MACROD2: variants seen among roughly 807,000 people sequenced by gnomAD.
MACROD2 encodes ADP-ribose glycohydrolase MACROD2.
A neutral mutation model predicts 70.4 loss-of-function variants in MACROD2; 36 were observed. That is an observed-to-expected ratio of 0.51 (90% CI 0.39 to 0.68). The LOEUF is 0.68. Among genes scored for constraint, MACROD2 ranks in the 30% least tolerant of loss-of-function variants. The pLI, the probability that MACROD2 is intolerant of heterozygous loss-of-function variation, is 0.00. For missense variants in MACROD2, 496 were observed against 538.4 expected, an observed-to-expected ratio of 0.92 and a Z score of 0.78; for synonymous variants, 172 against 178.8, an observed-to-expected ratio of 0.96 and a Z score of 0.30.
chr20:15,543,316 G>T (rs758268091), intron 8 of MACROD2, among the ~76,000 whole-genome samples: 3 of 152,204 alleles, frequency 2.0e-5, no homozygotes, highest in African/African-American at 7.2e-5. Context: ...GGCCCTACTC[G>T]TAAGATTATA....
chr20:14,461,994 T>C (rs2123019238), intron 3 of MACROD2, among the ~76,000 whole-genome samples: 1 of 152,116 alleles, frequency 6.6e-6, no homozygotes, highest in Non-Finnish European at 1.5e-5. Flanking sequence ...ATCCTTTGGG[T>C]ATATACCCAG....
chr20:14,479,600 G>C (rs1303089723), intron 3 of MACROD2, among the ~76,000 whole-genome samples: 2 of 152,072 alleles, frequency 1.3e-5, no homozygotes, highest in African/African-American at 2.4e-5. Flanking sequence ...GCACCTTTCA[G>C]AGTTCTCCTT....
rs148384472 is a variant in MACROD2, at chr20:15,051,620, A to G, written c.419-178320A>G. On this transcript the variant is annotated intron_variant, in intron 5 of 17. Coordinates refer to ENST00000684519, the MANE Select transcript of MACROD2 (RefSeq NM_001351661.2). ...ATCAAGTATAATCTCCTCCACTTCA[A>G]GTTAACTGGTTGTAGATGTTAATCA... Among the ~76,000 whole-genome samples, 46 of 152,240 alleles carry G rather than the reference A, an allele frequency of 3.0e-4. 1 individual carries two copies. The East Asian group carries it at 8.7e-3, about 29-fold the overall frequency.
intron 6 of MACROD2, among the ~76,000 whole-genome samples, chr20:15,292,593 G>A (rs530361647): frequency 4.6e-5 from 7 of 152,144 alleles, no homozygotes; most frequent in African/African-American, 1.2e-4. Context: ...TAAAAGAAAC[G>A]TGGCTCAGAG....
intron 2 of MACROD2, among the ~76,000 whole-genome samples, chr20:14,034,744 G>A (rs1029762897): frequency 6.6e-6 from 1 of 152,194 alleles, no homozygotes; most frequent in African/African-American, 2.4e-5. Context: ...ACTGTTCTAA[G>A]TGGGTTGCAT....
chr20:14,213,055 C>T (rs2081583491), intron 3 of MACROD2, among the ~76,000 whole-genome samples: 1 of 151,812 alleles, frequency 6.6e-6, no homozygotes, highest in South Asian at 2.1e-4. Flanking sequence ...AGGAACTGAA[C>T]AGAATGAGTT....
Position 14,183,261 on chromosome 20 carries a change from A to G in MACROD2, c.271+97533A>G, listed in dbSNP as rs142846895. On this transcript the variant is annotated intron_variant, in intron 3 of 17. Transcript: ENST00000684519. ...TGTTCTCATCATTTAGCTCTCACTTATAAGTGAGAACATGCTGTATTTGGT... is the reference window on the plus strand; with the variant it reads ...TGTTCTCATCATTTAGCTCTCACTTGTAAGTGAGAACATGCTGTATTTGGT... Among the ~76,000 whole-genome samples, 7 of 151,654 alleles carry G rather than the reference A, an allele frequency of 4.6e-5. No individual in the cohort carries two copies. The South Asian group carries it at 1.0e-3, about 23-fold the overall frequency.
chr20:14,243,071 T>C (rs1313357162), intron 3 of MACROD2, among the ~76,000 whole-genome samples: 2 of 152,170 alleles, frequency 1.3e-5, no homozygotes, highest in African/African-American at 4.8e-5. Flanking sequence ...TTTTGGCTCA[T>C]CATGGGCCCT....
chr20:15,198,153 G>C (rs1056347912), intron 5 of MACROD2, among the ~76,000 whole-genome samples: 1 of 151,956 alleles, frequency 6.6e-6, no homozygotes, highest in African/African-American at 2.4e-5. Flanking sequence ...TAGAGACGGG[G>C]TTTCACTATG....
At chr20:15,111,177 G>T (rs368622834) in intron 5 of MACROD2, among the ~76,000 whole-genome samples, 2,673 of 140,780 alleles carry the variant, frequency 0.019, 117 homozygotes, top group African/African-American at 0.068. Flanking sequence ...GTTTTTGTTT[G>T]TTTTTTTTTT....
intron 8 of MACROD2, among the ~76,000 whole-genome samples, chr20:15,747,984 T>C: frequency 6.6e-6 from 1 of 152,186 alleles, no homozygotes; most frequent in East Asian, 1.9e-4. Flanking sequence ...CAGATATTTT[T>C]AAGTTTTTCA....
intron 5 of MACROD2, among the ~76,000 whole-genome samples, chr20:14,915,234 C>T (rs1482932761): frequency 1.3e-5 from 2 of 152,078 alleles, no homozygotes; most frequent in Non-Finnish European, 2.9e-5. Flanking sequence ...CTCTTACGAG[C>T]GTGAGTAAAG....
chr20:14,305,232 C>G (rs950691755), intron 3 of MACROD2, among the ~76,000 whole-genome samples: 4 of 152,050 alleles, frequency 2.6e-5, no homozygotes, highest in African/African-American at 9.7e-5. Context: ...AAATATAGAC[C>G]TCTTTCACTT....
At chr20:15,395,785 A>G (rs959044497) in intron 6 of MACROD2, among the ~76,000 whole-genome samples, 1 of 152,242 alleles carries the variant, frequency 6.6e-6, no homozygotes, top group Non-Finnish European at 1.5e-5. Flanking sequence ...TTCTGGAAAC[A>G]AGGCAGGCCT....
In MACROD2 at chr20:14,590,650, A is replaced by G. The variant is rs6105299; in HGVS notation, c.302-94193A>G. ...CCCGTATCTGTATATTTTAATAATT[A>G]TCTTATATTGAATGACCCTGCTTGC... On this transcript the variant is annotated intron_variant, in intron 4 of 17. Transcript: ENST00000684519. Among the ~76,000 whole-genome samples, 204 of 152,284 alleles carry G rather than the reference A, an allele frequency of 1.3e-3. 1 individual carries two copies. The highest frequency in any genetic ancestry group is 4.5e-3 in the African/African-American group (187 of 41,576).
intron 5 of MACROD2, among the ~76,000 whole-genome samples, chr20:15,018,928 C>G (rs1031551059): frequency 1.1e-4 from 16 of 152,202 alleles, no homozygotes; most frequent in African/African-American, 3.4e-4. Context: ...TGAGTAAAAG[C>G]TTCCAGAGGC....
At chr20:15,549,936 C>T (rs2048073742) in intron 8 of MACROD2, among the ~76,000 whole-genome samples, 1 of 151,816 alleles carries the variant, frequency 6.6e-6, no homozygotes, top group South Asian at 2.1e-4. Flanking sequence ...GACATATATA[C>T]CCTAAGAAAA....
At chr20:14,030,178 A>G (rs532240667) in intron 2 of MACROD2, among the ~76,000 whole-genome samples, 1 of 152,202 alleles carries the variant, frequency 6.6e-6, no homozygotes, top group South Asian at 2.1e-4. Context: ...AGCTAGGACT[A>G]CGGAAACTTG....
chr20:15,237,168 G>T (rs963627144), intron 6 of MACROD2, among the ~76,000 whole-genome samples: 1 of 152,148 alleles, frequency 6.6e-6, no homozygotes, highest in African/African-American at 2.4e-5. Context: ...TAAACACCAA[G>T]ATACATCAAA....
Sources: allele counts gnomAD v4.1 joint callset (sites outside exome capture counted in the v4.1 genomes callset), GRCh38; gene constraint gnomAD v4.1.1; transcripts MANE v1.5; gene names NCBI Gene and HGNC (gene_info 2026-07-23, HGNC 2026-07-21).